SLC14A2: variants seen among roughly 807,000 people sequenced by gnomAD.
SLC14A2 encodes urea transporter 2.
A neutral mutation model predicts 104.6 loss-of-function variants in SLC14A2; 91 were observed. That is an observed-to-expected ratio of 0.87 (90% confidence interval 0.73 to 1.04). The LOEUF (loss-of-function observed/expected upper bound fraction) is 1.04. SLC14A2 is among the 50% of genes least tolerant of loss of function. SLC14A2 has a pLI of 0.00. For missense variants in SLC14A2, 1,189 were observed against 1,156.0 expected (o/e 1.03, Z -0.41); for synonymous variants, 476 against 466.4 (o/e 1.02, Z -0.27).
intron 1 of SLC14A2, among the ~76,000 whole-genome samples, chr18:45,251,019 G>T (rs1196588320): frequency 6.6e-6 from 1 of 152,074 alleles, no homozygotes; most frequent in African/African-American, 2.4e-5. Flanking sequence ...ATTAGAAAAA[G>T]AATCTTTTTA....
At chr18:45,334,564 T>G (rs1162710093) in intron 1 of SLC14A2, among the ~76,000 whole-genome samples, 2 of 152,232 alleles carry the variant, frequency 1.3e-5, no homozygotes, top group Non-Finnish European at 2.9e-5. Context: ...TGGGTCCATC[T>G]TGGTCTGTAA....
chr18:45,644,240 C>G (rs1271733920), intron 10 of SLC14A2, 80 bp downstream of exon 10: 2 of 1,419,494 alleles, frequency 1.4e-6, no homozygotes, highest in East Asian at 4.6e-5. Flanking sequence ...CTGGTTCAAT[C>G]AGTTGCAGCA....
chr18:45,600,711 A>C (rs2044776656), intron 2 of SLC14A2, among the ~76,000 whole-genome samples: 1 of 152,136 alleles, frequency 6.6e-6, no homozygotes, highest in African/African-American at 2.4e-5. Flanking sequence ...ACCATGAACC[A>C]AGGGAGGCAG....
At chr18:45,290,798 C>A (rs1250715132) in intron 1 of SLC14A2, among the ~76,000 whole-genome samples, 1 of 152,118 alleles carries the variant, frequency 6.6e-6, no homozygotes, top group Admixed American at 6.6e-5. Context: ...AATGTGGCTA[C>A]TAGAAAATTT....
intron 10 of SLC14A2, among the ~76,000 whole-genome samples, chr18:45,659,450 C>T (rs920436862): frequency 6.6e-6 from 1 of 152,244 alleles, no homozygotes; most frequent in Non-Finnish European, 1.5e-5. Flanking sequence ...TATGTAATAT[C>T]TTAGGAACCA....
Position 45,682,823 on chromosome 18 carries a change from G to C in SLC14A2, c.*304G>C, listed in dbSNP as rs184263897. 183 of 324,198 alleles carry C rather than the reference G, an allele frequency of 5.6e-4. 1 individual carries two copies. The highest frequency in any genetic ancestry group is 3.7e-3 in the African/African-American group (174 of 47,096). The allele number at this position is 324,198 out of a possible 1,614,324, so 20.1% of individuals were successfully genotyped here. A position where few individuals can be genotyped will look rare whatever the true frequency, so the allele number is the denominator to read the frequency against. On this transcript the variant is annotated 3_prime_UTR_variant, in exon 20 of 20. Coordinates refer to ENST00000255226, the MANE Select transcript of SLC14A2 (RefSeq NM_007163.4). ...TAAAGAGAAGTCACCGGCCGGGCAC[G>C]GTGGCTCACGCCTGTAATCCCAGCA...
chr18:45,588,352 G>T (rs1292705705), intron 2 of SLC14A2, among the ~76,000 whole-genome samples: 1 of 152,166 alleles, frequency 6.6e-6, no homozygotes, highest in Non-Finnish European at 1.5e-5. Context: ...CTTCAGGCCT[G>T]ATATGTAACA....
the SLC14A2 span, among the ~76,000 whole-genome samples, chr18:45,206,778 C>G: frequency 6.6e-6 from 1 of 152,112 alleles, no homozygotes; most frequent in Non-Finnish European, 1.5e-5. Context: ...GTTACATACA[C>G]CAAGAGCTAA....
the SLC14A2 span, among the ~76,000 whole-genome samples, chr18:45,182,932 T>G: frequency 6.6e-6 from 1 of 152,116 alleles, no homozygotes; most frequent in Non-Finnish European, 1.5e-5. Flanking sequence ...GCCAAGAAAT[T>G]TTTTTTAAAT....
At chr18:45,521,000 C>T (rs536979702) in intron 2 of SLC14A2, among the ~76,000 whole-genome samples, 13 of 152,280 alleles carry the variant, frequency 8.5e-5, no homozygotes, top group East Asian at 3.9e-4. Context: ...CTCTGAGATA[C>T]TCTAGAATCT....
rs371443006 is a variant in SLC14A2, at chr18:45,541,186, A to C, written c.-35+57864A>C. On this transcript the variant is annotated intron_variant, in intron 2 of 20. Transcript: ENST00000586448. Reference sequence around the variant, plus strand: ...TTGTCTTCTTGCCAGTGGTTCTGCCACTCCCATGATTCAGCCATATGTGTG... The same window carrying C: ...TTGTCTTCTTGCCAGTGGTTCTGCCCCTCCCATGATTCAGCCATATGTGTG... 3.4e-4 allele frequency among the ~76,000 whole-genome samples: 51 copies of C among 151,888 alleles called. 1 individual carries two copies. In the East Asian group the frequency reaches 9.7e-3, roughly 29 times the overall value.
chr18:45,250,205 A>G (rs1408094175), intron 1 of SLC14A2, among the ~76,000 whole-genome samples: 1 of 152,222 alleles, frequency 6.6e-6, no homozygotes, highest in African/African-American at 2.4e-5. Context: ...CACTTAAAGC[A>G]GTACTAATGA....
chr18:45,537,792 A>G (rs2043818902), intron 2 of SLC14A2, among the ~76,000 whole-genome samples: 1 of 152,182 alleles, frequency 6.6e-6, no homozygotes, highest in South Asian at 2.1e-4. Flanking sequence ...CCTAACTGCA[A>G]TGGGGAAATC....
chr18:45,260,955 G>T (rs539369642), intron 1 of SLC14A2, among the ~76,000 whole-genome samples: 67 of 152,144 alleles, frequency 4.4e-4, no homozygotes, highest in African/African-American at 1.6e-3. Flanking sequence ...ATATACCCAT[G>T]TAACAAACCT....
intron 1 of SLC14A2, among the ~76,000 whole-genome samples, chr18:45,247,629 C>A (rs1418163064): frequency 1.3e-5 from 2 of 151,966 alleles, no homozygotes; most frequent in Non-Finnish European, 1.5e-5. Context: ...CAGATCTCAC[C>A]CCCTGAACAA....
intron 1 of SLC14A2, among the ~76,000 whole-genome samples, chr18:45,405,932 A>C (rs974634067): frequency 6.6e-6 from 1 of 151,820 alleles, no homozygotes; most frequent in Non-Finnish European, 1.5e-5. Flanking sequence ...CAGTCATCTA[A>C]GCTTCAGCGA....
intron 10 of SLC14A2, among the ~76,000 whole-genome samples, chr18:45,648,172 T>C (rs1033842521): frequency 1.3e-5 from 2 of 151,180 alleles, no homozygotes; most frequent in African/African-American, 2.4e-5. Context: ...TATTATAAGT[T>C]ACCCTCTTTA....
At chr18:45,218,730 C>A (rs1263324044) in intron 1 of SLC14A2, among the ~76,000 whole-genome samples, 1 of 151,974 alleles carries the variant, frequency 6.6e-6, no homozygotes, top group Non-Finnish European at 1.5e-5. Flanking sequence ...GACATCAAAC[C>A]ACTAACTGGA....
intron 4 of SLC14A2, among the ~76,000 whole-genome samples, chr18:45,631,331 C>T (rs2045342475): frequency 6.6e-6 from 1 of 152,240 alleles, no homozygotes; most frequent in Admixed American, 6.5e-5. Flanking sequence ...TGGCAGGGGC[C>T]TTGCATCACA....
Sources: gnomAD v4.1 joint callset for allele counts (sites outside exome capture counted in the v4.1 genomes callset) on GRCh38, gnomAD v4.1.1 for gene constraint, MANE v1.5 for transcripts, NCBI Gene and HGNC (gene_info 2026-07-23, HGNC 2026-07-21) for gene names.